ZNF141: variants seen among roughly 807,000 people sequenced by gnomAD.
The protein encoded by ZNF141 is zinc finger protein 141, also known as zinc finger protein 141 (clone pHZ-44).
ZNF141 carries 7 observed loss-of-function variants against 11.3 expected under a neutral mutation model. The observed-to-expected ratio is 0.62, with a 90% CI of 0.35 to 1.16. ZNF141 has a LOEUF of 1.16. Ranked by LOEUF, ZNF141 falls within the 50% of genes most tolerant of loss-of-function variation. ZNF141 has a pLI of 0.02. For synonymous variants in ZNF141, 183 were observed against 190.7 expected, an observed-to-expected ratio of 0.96 and a Z score of 0.33; for missense variants, 535 against 554.0, an observed-to-expected ratio of 0.97 and a Z score of 0.34.
chr4:337,962 C>T lies in ZNF141; in HGVS notation c.-22C>T, dbSNP rs1481133519. The T allele has an allele frequency of 2.5e-6, 4 of 1,612,776 alleles. No individual in the cohort carries two copies. In the African/African-American group the frequency reaches 5.3e-5, roughly 22 times the overall value. Reference sequence around the variant, plus strand: ...TTGGATGATTGGTAGCTAAGACTCCCGAATACTTCAGAAGTGGGGAAATGG... The same window carrying T: ...TTGGATGATTGGTAGCTAAGACTCCTGAATACTTCAGAAGTGGGGAAATGG... On this transcript the variant is annotated 5_prime_UTR_variant, in exon 1 of 4. Coordinates refer to ENST00000240499, the MANE Select transcript of ZNF141 (RefSeq NM_003441.4).
intron 2 of ZNF141, 57 bp from the exon 3 acceptor site, chr4:344,278 G>A: frequency 7.0e-7 from 1 of 1,428,686 alleles, no homozygotes; most frequent in Non-Finnish European, 9.8e-7. Flanking sequence ...GTACTAGGTT[G>A]GTAATTGGAG....
At chr4:343,175 T>C (rs913346721) in intron 1 of ZNF141, among the ~76,000 whole-genome samples, 1 of 152,178 alleles carries the variant, frequency 6.6e-6, no homozygotes, top group African/African-American at 2.4e-5. Context: ...CCAGATACTT[T>C]AGTGAAAGGT....
Position 383,596 on chromosome 4 carries a change from A to G in ZNF141, c.*9734A>G, listed in dbSNP as rs187358102. 660 of 157,194 alleles carry G rather than the reference A, an allele frequency of 4.2e-3. 2 individuals are homozygous for G. The highest frequency in any genetic ancestry group is 6.4e-3 in the Non-Finnish European group (453 of 71,324). 9.7% of individuals were successfully genotyped at this position (157,194 alleles called of 1,614,324 possible). ...CAAGGTCTGGGAGCAGGGAACCTAA[A>G]GCCAGTTAACGTGAACTTCCTACAT... On this transcript the variant is annotated 3_prime_UTR_variant, in exon 4 of 4. Coordinates refer to ENST00000240499, the MANE Select transcript of ZNF141 (RefSeq NM_003441.4).
chr4:351,341 C>T (rs1399706158), intron 3 of ZNF141, among the ~76,000 whole-genome samples: 4 of 151,218 alleles, frequency 2.6e-5, no homozygotes, highest in Non-Finnish European at 4.4e-5. Context: ...TCAACTTATT[C>T]TCCTGCCTCA....
chr4:381,713 G>A lies in ZNF141; in HGVS notation c.*7851G>A, dbSNP rs1712627136. Among the ~76,000 whole-genome samples the A allele has an allele frequency of 1.3e-5, 2 of 151,702 alleles. No homozygotes were observed. The highest frequency in any genetic ancestry group is 4.2e-4 in the South Asian group (2 of 4,812). On this transcript the variant is annotated 3_prime_UTR_variant, in exon 4 of 4. Transcript: ENST00000240499. ...CGTGAGCCACCATGCCCTCAAATATGCTTTCTTAGTACTCCACATTTATGC... is the reference window on the plus strand; with the variant it reads ...CGTGAGCCACCATGCCCTCAAATATACTTTCTTAGTACTCCACATTTATGC...
At chr4:344,007 A>G in intron 2 of ZNF141, 99 bp downstream of exon 2, 2 of 1,490,412 alleles carry the variant, frequency 1.3e-6, no homozygotes, top group Non-Finnish European at 1.8e-6. Flanking sequence ...TTATCTTTAC[A>G]TAAACCTTCT....
At chr4:369,008 C>T (rs1212563823) in intron 3 of ZNF141, among the ~76,000 whole-genome samples, 1 of 152,116 alleles carries the variant, frequency 6.6e-6, no homozygotes, top group Non-Finnish European at 1.5e-5. Context: ...GCTTTCAAGT[C>T]TTCTATTCCT....
At chr4:347,339 GTTTTT>G (rs572417264) in intron 3 of ZNF141, among the ~76,000 whole-genome samples, 1 of 116,246 alleles carries the variant, frequency 8.6e-6, no homozygotes, top group South Asian at 2.9e-4. Context: ...GCCCGGCCAA[GTTTTT>G]TTTTTTTTTT....
chr4:360,419 G>T (rs1463701448), intron 3 of ZNF141, among the ~76,000 whole-genome samples: 1 of 152,130 alleles, frequency 6.6e-6, no homozygotes, highest in Non-Finnish European at 1.5e-5. Context: ...TTTTATTGCG[G>T]CGCATGGCAT....
At chr4:356,172 A>G (rs1477181676) in intron 3 of ZNF141, among the ~76,000 whole-genome samples, 1 of 149,502 alleles carries the variant, frequency 6.7e-6, no homozygotes, top group Admixed American at 6.7e-5. Context: ...CAGAGGTTGC[A>G]GTGAGCCGAG....
intron 3 of ZNF141, among the ~76,000 whole-genome samples, chr4:357,641 A>C (rs1385728855): frequency 6.6e-6 from 1 of 151,560 alleles, no homozygotes; most frequent in Non-Finnish European, 1.5e-5. Context: ...AGAGATGTAC[A>C]TTCCTACAGA....
chr4:373,711 G>A lies in ZNF141; in HGVS notation c.1274G>A (p.Cys425Tyr). The stretch of plus-strand genomic sequence containing the variant: ...CATAGTGCAGATAAACCCTACAAAT[G>A]TAAAGAATGTGACAAAGCCTTTAAA... ...KIHSADKPYK[C>Y]KECDKAFKQF... The change falls in exon 4 of 4, where the codon TGT becomes TAT. Residue 425 changes from cysteine to tyrosine, a missense_variant. Transcript: ENST00000240499. The A allele has an allele frequency of 6.2e-6, 10 of 1,614,120 alleles. No individual in the cohort carries two copies. Among genetic ancestry groups the A allele is most frequent in the South Asian group, 1.1e-5 (1 of 91,070 alleles).
intron 3 of ZNF141, among the ~76,000 whole-genome samples, chr4:363,649 G>A (rs184838903): frequency 2.0e-5 from 3 of 151,994 alleles, no homozygotes; most frequent in East Asian, 1.9e-4. Flanking sequence ...TCCCAGCTAC[G>A]CGGGAGGCTG....
chr4:361,199 A>C (rs1219614436), intron 3 of ZNF141, among the ~76,000 whole-genome samples: 1 of 152,206 alleles, frequency 6.6e-6, no homozygotes, highest in Non-Finnish European at 1.5e-5. Flanking sequence ...AGTAAAATGT[A>C]ATAATAAATA....
At chr4:353,659 A>G (rs1362707698) in intron 3 of ZNF141, among the ~76,000 whole-genome samples, 1 of 151,802 alleles carries the variant, frequency 6.6e-6, no homozygotes, top group African/African-American at 2.4e-5. Context: ...ACGAGGTTTC[A>G]CCATGTTGGC....
chr4:371,542 TTG>T (rs3037726), intron 3 of ZNF141, among the ~76,000 whole-genome samples: 2 of 145,466 alleles, frequency 1.4e-5, no homozygotes, highest in African/African-American at 2.5e-5. Context: ...TTGTGATAAT[TTG>T]TGTGTGTGTG....
intron 3 of ZNF141, among the ~76,000 whole-genome samples, chr4:360,992 ATAT>A (rs1290354973): frequency 6.6e-6 from 1 of 152,124 alleles, no homozygotes; most frequent in Non-Finnish European, 1.5e-5. Context: ...GTTTGATTAT[ATAT>A]TATTCTGTGA....
At chr4:339,622 G>A (rs1553848118) in intron 1 of ZNF141, among the ~76,000 whole-genome samples, 1 of 152,130 alleles carries the variant, frequency 6.6e-6, no homozygotes, top group Admixed American at 6.5e-5. Context: ...CTCCCTTAAA[G>A]CATTTAGTTT....
At chr4:356,364 A>G (rs1157219269) in intron 3 of ZNF141, among the ~76,000 whole-genome samples, 1 of 151,784 alleles carries the variant, frequency 6.6e-6, no homozygotes, top group Admixed American at 6.6e-5. Context: ...TCTGTCACCC[A>G]GGCTGGAGTA....
Sources: allele counts gnomAD v4.1 joint callset (sites outside exome capture counted in the v4.1 genomes callset), GRCh38; gene constraint gnomAD v4.1.1; transcripts MANE v1.5; gene names NCBI Gene and HGNC (gene_info 2026-07-23, HGNC 2026-07-21).